The following TTC27 variants were observed in gnomAD, a reference collection of about 807,000 sequenced individuals.
TTC27 encodes tetratricopeptide repeat protein 27.
TTC27 carries 79 observed loss-of-function variants against 115.9 expected under a neutral mutation model. The ratio of observed to expected loss-of-function variants is 0.68; its 90% CI spans 0.57 to 0.82. TTC27 has a LOEUF of 0.82. Ranked by LOEUF, TTC27 falls within the 40% of genes least tolerant of loss-of-function variation. The probability of loss-of-function intolerance (pLI) is 0.00; values close to 1 mark genes in which losing one functional copy is unlikely to be tolerated. For missense variants in TTC27, 1,054 were observed against 993.1 expected, an observed-to-expected ratio of 1.06 and a Z score of -0.82; for synonymous variants, 401 against 356.0, an observed-to-expected ratio of 1.13 and a Z score of -1.42.
chr2:32,678,423 T>TTTTTG (rs1666296147), intron 8 of TTC27, among the ~76,000 whole-genome samples: 1 of 151,926 alleles, frequency 6.6e-6, no homozygotes, highest in African/African-American at 2.4e-5. Flanking sequence ...ATTTTTTAAT[T>TTTTTG]TTTTGTTTTG....
intron 5 of TTC27, among the ~76,000 whole-genome samples, chr2:32,651,386 A>G (rs1352898460): frequency 6.6e-6 from 1 of 152,164 alleles, no homozygotes; most frequent in African/African-American, 2.4e-5. Flanking sequence ...TCACTCTGTC[A>G]TCCAGGCTGG....
chr2:32,754,907 G>A (rs1669161388), intron 12 of TTC27, among the ~76,000 whole-genome samples: 1 of 151,716 alleles, frequency 6.6e-6, no homozygotes, highest in Non-Finnish European at 1.5e-5. Context: ...CGGACGGGGT[G>A]GCTGCCGGGC....
rs1025113349 is a variant in TTC27 at position 32,812,556 on chromosome 2, G to A, written c.2249G>A (p.Trp750Ter). 6.2e-7 allele frequency: 1 copy of A among 1,614,052 alleles called. No individual in the cohort carries two copies. Among genetic ancestry groups the A allele is most frequent in the Admixed American group, 1.7e-5 (1 of 60,010 alleles). Residue 750 changes from tryptophan to a stop codon, truncating the protein, a stop_gained, in exon 18 of 20, where the codon TGG becomes TAG. Coordinates refer to ENST00000317907, the MANE Select transcript of TTC27 (RefSeq NM_017735.5). LOFTEE classifies it high-confidence loss of function. ...AYKCDTQSNC[W>*]EKDITSFKEV... ...AAGTGTGACACCCAGTCCAATTGTTGGGAGAAAGATATTACATCATTTAAG... is the reference window on the plus strand; with the variant it reads ...AAGTGTGACACCCAGTCCAATTGTTAGGAGAAAGATATTACATCATTTAAG...
intron 8 of TTC27, among the ~76,000 whole-genome samples, chr2:32,675,501 C>T (rs950464735): frequency 6.6e-6 from 1 of 152,018 alleles, no homozygotes; most frequent in African/African-American, 2.4e-5. Flanking sequence ...GATAAAAGCA[C>T]AGAATTGATT....
intron 16 of TTC27, among the ~76,000 whole-genome samples, chr2:32,789,052 C>CTGGA (rs1670442744): frequency 6.6e-6 from 1 of 152,144 alleles, no homozygotes; most frequent in Non-Finnish European, 1.5e-5. Context: ...ATGTCTAACT[C>CTGGA]TGGATGGATG....
intron 15 of TTC27, among the ~76,000 whole-genome samples, chr2:32,785,169 C>T (rs1670305970): frequency 6.6e-6 from 1 of 152,142 alleles, no homozygotes; most frequent in African/African-American, 2.4e-5. Context: ...ATTCTGTTGT[C>T]TTCTGTCATC....
At chr2:32,667,967 C>T (rs1420220952) in intron 7 of TTC27, among the ~76,000 whole-genome samples, 1 of 150,406 alleles carries the variant, frequency 6.6e-6, no homozygotes, top group Non-Finnish European at 1.5e-5. Context: ...GGTGGGTGCA[C>T]GAGGTCAGGA....
At chr2:32,812,378 G>T (rs1671343809) in intron 17 of TTC27, 126 bp from the exon 18 acceptor site, 1 of 660,424 alleles carries the variant, frequency 1.5e-6, no homozygotes, top group East Asian at 2.8e-5. Context: ...AGTAATAGAC[G>T]CTGTGCTGTA....
At chr2:32,762,510 A>G (rs1277910451) in intron 13 of TTC27, among the ~76,000 whole-genome samples, 1 of 152,204 alleles carries the variant, frequency 6.6e-6, no homozygotes, top group Admixed American at 6.5e-5. Context: ...TTTGTTTTAA[A>G]TGAAGGAATG....
intron 9 of TTC27, among the ~76,000 whole-genome samples, chr2:32,697,339 C>T (rs974045475): frequency 2.0e-5 from 3 of 152,202 alleles, no homozygotes; most frequent in Admixed American, 2.0e-4. Context: ...TTTAACCTCT[C>T]AATATGTAAG....
intron 12 of TTC27, among the ~76,000 whole-genome samples, chr2:32,750,517 G>A (rs1046875084): frequency 6.6e-5 from 10 of 152,204 alleles, no homozygotes; most frequent in African/African-American, 2.4e-4. Flanking sequence ...GTTTAAGCAA[G>A]TTGACATAGC....
At chr2:32,655,909 A>G (rs1204552156) in intron 5 of TTC27, among the ~76,000 whole-genome samples, 2 of 152,160 alleles carry the variant, frequency 1.3e-5, no homozygotes, top group Non-Finnish European at 1.5e-5. Flanking sequence ...AGTAAAATAG[A>G]TGAAATTGCA....
At chr2:32,754,679 C>A (rs59146030) in intron 12 of TTC27, among the ~76,000 whole-genome samples, 1 of 150,452 alleles carries the variant, frequency 6.6e-6, no homozygotes, top group Non-Finnish European at 1.5e-5. Flanking sequence ...CAGACGGGGT[C>A]GTGGCCGGGC....
intron 9 of TTC27, among the ~76,000 whole-genome samples, chr2:32,697,988 A>G (rs1667050669): frequency 2.0e-5 from 3 of 152,086 alleles, no homozygotes. Flanking sequence ...CCTGACCTCA[A>G]GTGATCTGCC....
At chr2:32,765,843 T>G (rs1445612081) in intron 13 of TTC27, among the ~76,000 whole-genome samples, 1 of 152,202 alleles carries the variant, frequency 6.6e-6, no homozygotes, top group Non-Finnish European at 1.5e-5. Flanking sequence ...GATTCAAACT[T>G]TCTTCTGCAG....
chr2:32,817,489 T>C lies in TTC27; in HGVS notation c.2341T>C (p.Ser781Pro), dbSNP rs200930000. 1 of 1,614,110 alleles carries C rather than the reference T, an allele frequency of 6.2e-7. No homozygotes were observed. The highest frequency in any genetic ancestry group is 8.5e-7 in the Non-Finnish European group (1 of 1,179,992). Reference protein sequence around the residue: ...AIKCSKNKSSSQEAVQMLSSV... With the variant: ...AIKCSKNKSSPQEAVQMLSSV... ...AAAATGCAGTAAAAACAAATCCAGT[T>C]CCCAAGAAGCTGTACAAATGCTTTC... Residue 781 changes from serine to proline, a missense_variant, in exon 19 of 20, where the codon TCC becomes CCC. Coordinates refer to ENST00000317907, the MANE Select transcript of TTC27 (RefSeq NM_017735.5).
intron 15 of TTC27, among the ~76,000 whole-genome samples, chr2:32,783,329 G>A (rs1227953684): frequency 1.3e-5 from 2 of 152,098 alleles, no homozygotes; most frequent in African/African-American, 2.4e-5. Flanking sequence ...TTTGAAGGAT[G>A]GATAGAAGGG....
At chr2:32,701,379 A>T (rs1667179906) in intron 9 of TTC27, among the ~76,000 whole-genome samples, 1 of 152,214 alleles carries the variant, frequency 6.6e-6, no homozygotes, top group Non-Finnish European at 1.5e-5. Context: ...TAATTTAGCT[A>T]TTTAAATGAG....
At chr2:32,807,612 T>G (rs1230002057) in intron 16 of TTC27, among the ~76,000 whole-genome samples, 2 of 152,210 alleles carry the variant, frequency 1.3e-5, no homozygotes, top group Non-Finnish European at 2.9e-5. Flanking sequence ...ATTAGTATTA[T>G]AGGATACTAT....
Sources: allele counts gnomAD v4.1 joint callset (sites outside exome capture counted in the v4.1 genomes callset), GRCh38; gene constraint gnomAD v4.1.1; transcripts MANE v1.5; gene names NCBI Gene and HGNC (gene_info 2026-07-23, HGNC 2026-07-21).